Variants in CSMD1 observed in about 807,000 individuals in gnomAD.
The protein encoded by CSMD1 is CUB and sushi domain-containing protein 1.
In CSMD1, 213 loss-of-function variants were observed where a neutral mutation model predicts 417.5. The ratio of observed to expected loss-of-function variants is 0.51; its 90% CI spans 0.46 to 0.57. CSMD1 has a LOEUF of 0.57. Among genes scored for constraint, CSMD1 ranks in the 20% least tolerant of loss-of-function variants. CSMD1 has a pLI of 0.00. For synonymous variants in CSMD1, 2,862 were observed against 1,736.8 expected (o/e 1.65, Z -16.11); for missense variants, 6,923 against 4,529.7 (o/e 1.53, Z -15.17).
In CSMD1 at chr8:4,994,690, C is replaced by G. The variant is rs1275676957; in HGVS notation, c.-274G>C. On this transcript the variant is annotated 5_prime_UTR_variant, in exon 1 of 70. Coordinates refer to ENST00000635120, the MANE Select transcript of CSMD1 (RefSeq NM_033225.6). The stretch of plus-strand genomic sequence containing the variant: ...GGCCGGGGACGAGCGCCGGCCGAGC[C>G]GGGCAGGAAGGCACCAAGGCGGCGA... 3 of 391,700 alleles carry G rather than the reference C, an allele frequency of 7.7e-6. No individual in the cohort carries two copies. Among genetic ancestry groups the G allele is most frequent in the Admixed American group, 4.5e-5 (1 of 22,242 alleles). The allele number at this position is 391,700 out of a possible 1,614,324, so 24.3% of individuals were successfully genotyped here. A position where few individuals can be genotyped will look rare whatever the true frequency, so the allele number is the denominator to read the frequency against.
In CSMD1 at chr8:3,266,604, C is replaced by CAAAAAA. The variant is rs60439183; in HGVS notation, c.4153+17534_4153+17539dup. Among the ~76,000 whole-genome samples, 33 of 25,506 alleles carry CAAAAAA rather than the reference C, an allele frequency of 1.3e-3. 1 individual carries two copies. The highest frequency in any genetic ancestry group is 3.8e-3 in the East Asian group (3 of 792). The allele number at this position is 25,506 out of a possible 152,430, so 16.7% of individuals were successfully genotyped here. On this transcript the variant is annotated intron_variant, in intron 26 of 69. Coordinates refer to ENST00000635120, the MANE Select transcript of CSMD1 (RefSeq NM_033225.6). ...CTGGTGGCAGAGTGAGACTCCCTCT[C>CAAAAAA]AAAAAAAAAAAAAAAAAAAAAAAAG...
At chr8:4,508,588 T>A (rs1257797540) in intron 2 of CSMD1, among the ~76,000 whole-genome samples, 4 of 152,126 alleles carry the variant, frequency 2.6e-5, no homozygotes, top group African/African-American at 9.7e-5. Context: ...TATGCCATAT[T>A]TTCTTTTATA....
At chr8:4,291,568 A>G (rs1797367532) in intron 3 of CSMD1, among the ~76,000 whole-genome samples, 2 of 152,196 alleles carry the variant, frequency 1.3e-5, no homozygotes, top group South Asian at 4.1e-4. Flanking sequence ...TAGAAATTTT[A>G]TTAAAGCTGA....
chr8:4,522,466 C>G (rs1051683320), intron 2 of CSMD1, among the ~76,000 whole-genome samples: 1 of 152,104 alleles, frequency 6.6e-6, no homozygotes, highest in African/African-American at 2.4e-5. Context: ...AAGGAAATTA[C>G]AGAACAAAAT....
At chr8:4,463,140 G>T (rs552487155) in intron 2 of CSMD1, among the ~76,000 whole-genome samples, 1 of 152,044 alleles carries the variant, frequency 6.6e-6, no homozygotes, top group Non-Finnish European at 1.5e-5. Context: ...TCGAATAGAC[G>T]CTGCCCCAAA....
chr8:4,302,751 C>T (rs913792263), intron 3 of CSMD1, among the ~76,000 whole-genome samples: 1 of 152,164 alleles, frequency 6.6e-6, no homozygotes, highest in African/African-American at 2.4e-5. Flanking sequence ...TAGTTTTTTA[C>T]TGACCCCAAC....
intron 6 of CSMD1, among the ~76,000 whole-genome samples, chr8:3,734,150 C>A (rs1043114067): frequency 2.0e-5 from 3 of 152,168 alleles, no homozygotes; most frequent in African/African-American, 7.2e-5. Flanking sequence ...TTTAAGGATA[C>A]TACCATTACC....
chr8:4,296,784 G>A (rs1489534142), intron 3 of CSMD1, among the ~76,000 whole-genome samples: 1 of 141,948 alleles, frequency 7.0e-6, no homozygotes, highest in East Asian at 2.1e-4. Context: ...GCTTTATGCT[G>A]GTGAAAATGA....
chr8:3,600,520 A>C (rs1183884914), intron 8 of CSMD1, among the ~76,000 whole-genome samples: 1 of 152,218 alleles, frequency 6.6e-6, no homozygotes, highest in Non-Finnish European at 1.5e-5. Context: ...ACTACCACTC[A>C]GAGACTATGA....
intron 26 of CSMD1, among the ~76,000 whole-genome samples, chr8:3,263,090 C>A (rs563430310): frequency 1.3e-5 from 2 of 152,216 alleles, no homozygotes; most frequent in East Asian, 1.9e-4. Context: ...TATATGTTTT[C>A]TCTTGCATCA....
intron 1 of CSMD1, among the ~76,000 whole-genome samples, chr8:4,962,992 A>G (rs1237183979): frequency 2.6e-5 from 4 of 152,178 alleles, no homozygotes; most frequent in African/African-American, 9.6e-5. Flanking sequence ...TAGTGACGCT[A>G]TATACGTATT....
At chr8:3,181,327 T>G in intron 36 of CSMD1, 113 bp from the exon 37 acceptor site, 2 of 697,968 alleles carry the variant, frequency 2.9e-6, no homozygotes, top group Non-Finnish European at 4.9e-6. Flanking sequence ...TTTGTCTGAT[T>G]ACCAGATATT....
At chr8:4,357,472 G>A (rs1443584727) in intron 3 of CSMD1, among the ~76,000 whole-genome samples, 4 of 151,800 alleles carry the variant, frequency 2.6e-5, no homozygotes, top group South Asian at 4.2e-4. Flanking sequence ...TCCTACCATC[G>A]CCCTCACCAA....
At chr8:3,851,452 C>A (rs79514984) in intron 5 of CSMD1, among the ~76,000 whole-genome samples, 6,197 of 152,232 alleles carry the variant, frequency 0.041, 265 homozygotes, top group African/African-American at 0.11. Flanking sequence ...TTCTACTCAT[C>A]AATTATCTCA....
intron 1 of CSMD1, among the ~76,000 whole-genome samples, chr8:4,786,396 T>G (rs1446571696): frequency 6.6e-6 from 1 of 152,218 alleles, no homozygotes. Context: ...ATCGGTCAAG[T>G]AAATGAATAA....
chr8:4,332,652 A>C (rs1799938532), intron 3 of CSMD1, among the ~76,000 whole-genome samples: 1 of 151,008 alleles, frequency 6.6e-6, no homozygotes, highest in Admixed American at 6.6e-5. Flanking sequence ...TGCAGCTCTC[A>C]TTACTACCGT....
At chr8:4,340,711 TATC>T (rs1273183453) in intron 3 of CSMD1, among the ~76,000 whole-genome samples, 1 of 151,998 alleles carries the variant, frequency 6.6e-6, no homozygotes, top group African/African-American at 2.4e-5. Context: ...TTAAACAAAA[TATC>T]AGCACGTGGA....
At chr8:3,787,265 T>G (rs984728608) in intron 5 of CSMD1, among the ~76,000 whole-genome samples, 1 of 152,092 alleles carries the variant, frequency 6.6e-6, no homozygotes, top group Non-Finnish European at 1.5e-5. Context: ...AACTTGTGAG[T>G]TGTGAAAAAC....
intron 7 of CSMD1, among the ~76,000 whole-genome samples, chr8:3,667,794 A>C (rs1197270293): frequency 6.6e-6 from 1 of 152,144 alleles, no homozygotes; most frequent in Non-Finnish European, 1.5e-5. Context: ...AAAATCATGG[A>C]AACAGAAGAC....
Sources: gnomAD v4.1 joint callset for allele counts (sites outside exome capture counted in the v4.1 genomes callset) on GRCh38, gnomAD v4.1.1 for gene constraint, MANE v1.5 for transcripts, NCBI Gene and HGNC (gene_info 2026-07-23, HGNC 2026-07-21) for gene names.